The following DPYD variants were observed in gnomAD, a reference collection of about 807,000 sequenced individuals.
DPYD encodes dihydropyrimidine dehydrogenase.
Under a neutral mutation model 116.2 loss-of-function variants are expected in DPYD, and 109 were observed. The ratio of observed to expected loss-of-function variants is 0.94; its 90% CI spans 0.80 to 1.10. The LOEUF (loss-of-function observed/expected upper bound fraction) is 1.10, where lower values mean the gene tolerates loss of function less well. Among genes scored for constraint, DPYD ranks in the 50% least tolerant of loss-of-function variants. The pLI is 0.00. For missense variants in DPYD, 1,302 were observed against 1,254.5 expected (o/e 1.04, Z -0.57); for synonymous variants, 440 against 432.0 (o/e 1.02, Z -0.23).
intron 12 of DPYD, among the ~76,000 whole-genome samples, chr1:97,536,212 G>C (rs967893618): frequency 5.9e-5 from 9 of 152,160 alleles, no homozygotes; most frequent in African/African-American, 2.2e-4. Flanking sequence ...ACTTAGCATG[G>C]AAACAGCATT....
At chr1:97,882,418 G>A (rs969940572) in intron 2 of DPYD, among the ~76,000 whole-genome samples, 2 of 151,906 alleles carry the variant, frequency 1.3e-5, no homozygotes, top group African/African-American at 4.8e-5. Context: ...ATATAAGAAG[G>A]AGGAAAGAAG....
In DPYD at chr1:97,789,126, A is replaced by G. The variant is rs116530233; in HGVS notation, c.233+38988T>C. 1.4e-3 allele frequency among the ~76,000 whole-genome samples: 219 copies of G among 152,272 alleles called. 1 individual carries two copies. Among genetic ancestry groups the G allele is most frequent in the Non-Finnish European group, 1.2e-3 (85 of 68,016 alleles). ...CTGTGGCTGAATAAAACCTTAACCC[A>G]AGAAATAACCTGCACTGGGGTACAC... On this transcript the variant is annotated intron_variant, in intron 3 of 22. Transcript: ENST00000370192.
At chr1:97,743,653 G>A (rs979589011) in intron 3 of DPYD, among the ~76,000 whole-genome samples, 5 of 152,058 alleles carry the variant, frequency 3.3e-5, no homozygotes, top group Non-Finnish European at 2.9e-5. Flanking sequence ...TAGCAGAAAT[G>A]CATGTCAGAA....
At chr1:97,554,263 C>G (rs1046314433) in intron 11 of DPYD, among the ~76,000 whole-genome samples, 1 of 151,964 alleles carries the variant, frequency 6.6e-6, no homozygotes, top group Non-Finnish European at 1.5e-5. Context: ...AAGCATATGA[C>G]AAGTATATTT....
chr1:97,571,046 G>T (rs1027834055), intron 11 of DPYD, among the ~76,000 whole-genome samples: 15 of 151,972 alleles, frequency 9.9e-5, no homozygotes, highest in Non-Finnish European at 1.6e-4. Context: ...CTGGCACAGA[G>T]AAGTTCATTT....
intron 4 of DPYD, among the ~76,000 whole-genome samples, chr1:97,736,908 T>C (rs1009273769): frequency 6.7e-6 from 1 of 149,836 alleles, no homozygotes; most frequent in Non-Finnish European, 1.5e-5. Flanking sequence ...TAAGATATAA[T>C]CTACATAGCA....
chr1:97,204,839 C>A (rs920419018), intron 19 of DPYD, among the ~76,000 whole-genome samples: 7 of 152,056 alleles, frequency 4.6e-5, no homozygotes. Flanking sequence ...AACATTGGAT[C>A]TAATTCACCA....
chr1:97,491,377 A>G (rs1678966177), intron 13 of DPYD, among the ~76,000 whole-genome samples: 1 of 151,788 alleles, frequency 6.6e-6, no homozygotes, highest in African/African-American at 2.4e-5. Context: ...CACCTAATGG[A>G]ATGAGGAAGG....
At chr1:97,302,214 G>A (rs1468162363) in intron 18 of DPYD, among the ~76,000 whole-genome samples, 1 of 151,974 alleles carries the variant, frequency 6.6e-6, no homozygotes, top group Non-Finnish European at 1.5e-5. Context: ...GAAAGGTACA[G>A]AATTATTTAG....
Position 97,905,973 on chromosome 1 carries a change from C to T in DPYD, c.39+14911G>A, listed in dbSNP as rs540387002. Reference sequence around the variant, plus strand: ...GTCCTTGGTTTCACCATTTCTGAAACGGATACATCTTTTTAAGACTGGAAA... The same window carrying T: ...GTCCTTGGTTTCACCATTTCTGAAATGGATACATCTTTTTAAGACTGGAAA... On this transcript the variant is annotated intron_variant, in intron 1 of 22. Transcript: ENST00000370192. 9.9e-5 allele frequency among the ~76,000 whole-genome samples: 15 copies of T among 152,020 alleles called. No homozygotes were observed. The East Asian group carries it at 1.6e-3, about 16-fold the overall frequency.
At chr1:97,706,441 G>T (rs1013357680) in intron 5 of DPYD, among the ~76,000 whole-genome samples, 1 of 151,952 alleles carries the variant, frequency 6.6e-6, no homozygotes, top group African/African-American at 2.4e-5. Context: ...AATTTATTAT[G>T]AAAATAGCAT....
intron 2 of DPYD, among the ~76,000 whole-genome samples, chr1:97,832,581 CTT>C (rs1449093285): frequency 6.6e-6 from 1 of 151,990 alleles, no homozygotes; most frequent in Non-Finnish European, 1.5e-5. Flanking sequence ...ATGCAACAGT[CTT>C]TATTTGGGTC....
chr1:97,703,508 T>A (rs1443701237), intron 5 of DPYD, among the ~76,000 whole-genome samples: 1 of 152,004 alleles, frequency 6.6e-6, no homozygotes, highest in African/African-American at 2.4e-5. Flanking sequence ...CTACTTCTCA[T>A]TTCACCTAGT....
chr1:97,211,028 T>C (rs1379551041), intron 19 of DPYD, among the ~76,000 whole-genome samples: 3 of 152,198 alleles, frequency 2.0e-5, no homozygotes, highest in African/African-American at 7.2e-5. Flanking sequence ...ATTAATTATC[T>C]ACACGACAGC....
chr1:97,756,882 GTGC>G (rs1486002074), intron 3 of DPYD, among the ~76,000 whole-genome samples: 2 of 151,870 alleles, frequency 1.3e-5, no homozygotes, highest in Admixed American at 6.6e-5. Context: ...ATAGAAATGC[GTGC>G]TGCTCATTCC....
At chr1:97,248,771 C>A (rs1662890823) in intron 18 of DPYD, among the ~76,000 whole-genome samples, 1 of 152,126 alleles carries the variant, frequency 6.6e-6, no homozygotes, top group African/African-American at 2.4e-5. Flanking sequence ...AATTCTTTCT[C>A]TATATACTCT....
intron 8 of DPYD, among the ~76,000 whole-genome samples, chr1:97,612,100 C>A (rs1366178001): frequency 6.6e-6 from 1 of 151,868 alleles, no homozygotes; most frequent in Non-Finnish European, 1.5e-5. Flanking sequence ...TCCCCTTATG[C>A]CCTGTATTGA....
intron 8 of DPYD, among the ~76,000 whole-genome samples, chr1:97,653,105 G>A (rs183646624): frequency 4.5e-4 from 68 of 151,976 alleles, no homozygotes; most frequent in African/African-American, 1.5e-3. Flanking sequence ...CCCTTTGTAC[G>A]TCACTACAAT....
chr1:97,495,122 G>T (rs937448731), intron 13 of DPYD, among the ~76,000 whole-genome samples: 1 of 152,140 alleles, frequency 6.6e-6, no homozygotes, highest in African/African-American at 2.4e-5. Context: ...TAAGGCTTCT[G>T]TTATTGTGTC....
Sources: gnomAD v4.1 joint callset for allele counts (sites outside exome capture counted in the v4.1 genomes callset) on GRCh38, gnomAD v4.1.1 for gene constraint, MANE v1.5 for transcripts, NCBI Gene and HGNC (gene_info 2026-07-23, HGNC 2026-07-21) for gene names.